NDST1: variants seen among roughly 807,000 people sequenced by gnomAD.
NDST1 encodes the protein N-deacetylase and N-sulfotransferase 1.
Under a neutral mutation model 92.8 loss-of-function variants are expected in NDST1, and 35 were observed. The ratio of observed to expected loss-of-function variants is 0.38; its 90% confidence interval spans 0.29 to 0.50. The LOEUF (loss-of-function observed/expected upper bound fraction) is 0.50. Ranked by LOEUF, NDST1 falls within the 20% of genes least tolerant of loss-of-function variation. The pLI, the probability that NDST1 is intolerant of heterozygous loss-of-function variation, is 0.94. For synonymous variants in NDST1, 493 were observed against 500.3 expected, an observed-to-expected ratio of 0.99 and a Z score of 0.19; for missense variants, 822 against 1,182.7, an observed-to-expected ratio of 0.69 and a Z score of 4.47.
intron 1 of NDST1, among the ~76,000 whole-genome samples, chr5:150,514,362 G>A (rs1753859670): frequency 2.0e-5 from 3 of 152,186 alleles, no homozygotes; most frequent in Admixed American, 2.0e-4. Flanking sequence ...CGGAGGTCAG[G>A]AGTTCAAGAC....
At chr5:150,525,775 G>A (rs769923008) in intron 2 of NDST1, among the ~76,000 whole-genome samples, 4 of 152,084 alleles carry the variant, frequency 2.6e-5, no homozygotes, top group Non-Finnish European at 4.4e-5. Flanking sequence ...ACTGACCTGC[G>A]CACCCCTGTG....
intron 10 of NDST1, among the ~76,000 whole-genome samples, chr5:150,545,069 G>A (rs978250252): frequency 5.3e-5 from 8 of 152,186 alleles, no homozygotes; most frequent in Non-Finnish European, 1.0e-4. Flanking sequence ...GCACCCACAA[G>A]TCTTCAGATC....
chr5:150,504,329 T>A (rs1392803994), upstream of NDST1, among the ~76,000 whole-genome samples: 1 of 152,094 alleles, frequency 6.6e-6, no homozygotes, highest in East Asian at 1.9e-4. Flanking sequence ...TAAATTGAGG[T>A]CTGGAGAGAG....
At chr5:150,515,155 T>G (rs1029679297) in intron 1 of NDST1, among the ~76,000 whole-genome samples, 2 of 152,186 alleles carry the variant, frequency 1.3e-5, no homozygotes, top group Non-Finnish European at 2.9e-5. Context: ...GGAAAGAGGT[T>G]GGCTGTGAGA....
rs966688534 is a variant in NDST1, at chr5:150,517,969, G to A, written c.-387-2899G>A. On this transcript the variant is annotated intron_variant, in intron 1 of 14. Coordinates refer to ENST00000261797, the MANE Select transcript of NDST1 (RefSeq NM_001543.5). Reference sequence around the variant, plus strand: ...AGGCCAAGGGGTGGGGCTGGGCTGCGGCCACAGGCTGCCCTTATCAATGGT... The same window carrying A: ...AGGCCAAGGGGTGGGGCTGGGCTGCAGCCACAGGCTGCCCTTATCAATGGT... 5.3e-5 allele frequency among the ~76,000 whole-genome samples: 8 copies of A among 152,330 alleles called. No individual in the cohort carries two copies. The East Asian group carries it at 5.8e-4, about 11-fold the overall frequency.
intron 1 of NDST1, among the ~76,000 whole-genome samples, chr5:150,511,289 C>T (rs1753709105): frequency 1.3e-5 from 2 of 152,182 alleles, no homozygotes; most frequent in African/African-American, 2.4e-5. Context: ...TGAGTACCTG[C>T]TGTGGGTAGG....
In NDST1 at chr5:150,535,039, C is replaced by A. The variant is rs1289618408; in HGVS notation, c.1251+18C>A. On this transcript the variant is annotated intron_variant, in intron 5 of 14. Coordinates refer to ENST00000261797, the MANE Select transcript of NDST1 (RefSeq NM_001543.5). The stretch of plus-strand genomic sequence containing the variant: ...TCGCTGTCGTGAGTAAGATTCCTTG[C>A]AGGGCAGAGCGGGGCGGGCTAAGGG... 1 of 1,610,028 alleles carries A rather than the reference C, an allele frequency of 6.2e-7. No homozygotes were observed. The highest frequency in any genetic ancestry group is 8.5e-7 in the Non-Finnish European group (1 of 1,177,912).
At chr5:150,542,605 CTG>C (rs1755292804) in intron 9 of NDST1, among the ~76,000 whole-genome samples, 1 of 152,214 alleles carries the variant, frequency 6.6e-6, no homozygotes, top group African/African-American at 2.4e-5. Context: ...GTGAAGAGTG[CTG>C]TGATAGATTA....
intron 1 of NDST1, among the ~76,000 whole-genome samples, chr5:150,514,924 C>T (rs1445841407): frequency 1.3e-5 from 2 of 152,316 alleles, no homozygotes; most frequent in South Asian, 2.1e-4. Context: ...TTGAGTGGCA[C>T]CCGGGCACTG....
intron 5 of NDST1, 65 bp from the exon 6 acceptor site, chr5:150,535,634 AG>A: frequency 1.3e-6 from 2 of 1,572,400 alleles, no homozygotes; most frequent in Non-Finnish European, 1.8e-6. Flanking sequence ...CATTCTACAA[AG>A]GGGGGATAAG....
upstream of NDST1, chr5:150,507,681 C>A (rs996745602): frequency 3.3e-5 from 5 of 152,522 alleles, no homozygotes; most frequent in Admixed American, 2.6e-4. Context: ...CCAGTCCTTC[C>A]TCTTCTTCTC....
At chr5:150,524,425 C>T (rs1754377705) in intron 2 of NDST1, among the ~76,000 whole-genome samples, 1 of 152,270 alleles carries the variant, frequency 6.6e-6, no homozygotes, top group South Asian at 2.1e-4. Flanking sequence ...ATCTGGATCC[C>T]TACTTCCTGG....
At position 150,521,302 on chromosome 5, in the gene NDST1, G is replaced by C. The variant is rs139789204; in HGVS notation, c.48G>C (p.Pro16=). ...CLRRLCRHVS[P]QAVLFLLFIF... is the part of the protein sequence containing the mutation. Reference sequence around the variant, plus strand: ...GGAGGCTGTGTCGGCACGTGTCCCCGCAGGCTGTCCTTTTCCTGCTGTTCA... The same window carrying C: ...GGAGGCTGTGTCGGCACGTGTCCCCCCAGGCTGTCCTTTTCCTGCTGTTCA... Residue 16 remains proline (P), a synonymous_variant, in exon 2 of 15, where the codon CCG becomes CCC. Transcript: ENST00000261797. This position sits in a 1 kb window ranked among gnomAD's most constrained non-coding sequence, Gnocchi z 5.9. The C allele has an allele frequency of 1.2e-6, 2 of 1,612,804 alleles. No individual in the cohort carries two copies. Among genetic ancestry groups the C allele is most frequent in the Admixed American group, 3.3e-5 (2 of 60,028 alleles).
intron 3 of NDST1, among the ~76,000 whole-genome samples, chr5:150,532,038 GAC>G (rs1309791476): frequency 6.6e-6 from 1 of 152,158 alleles, no homozygotes; most frequent in Non-Finnish European, 1.5e-5. Context: ...GATAGATGAA[GAC>G]ACAGGCTTAC....
chr5:150,524,369 G>A (rs552404755), intron 2 of NDST1, among the ~76,000 whole-genome samples: 1 of 152,228 alleles, frequency 6.6e-6, no homozygotes, highest in Non-Finnish European at 1.5e-5. Flanking sequence ...TGACCAATGT[G>A]TGCCCCTGTG....
intron 9 of NDST1, 77 bp downstream of exon 9, chr5:150,541,743 C>A: frequency 7.5e-7 from 1 of 1,330,806 alleles, no homozygotes; most frequent in Non-Finnish European, 1.1e-6. Flanking sequence ...ACTGCCTTGC[C>A]CTGGCCCCAC....
chr5:150,525,162 A>ATTTC (rs1754415264), intron 2 of NDST1, among the ~76,000 whole-genome samples: 1 of 151,670 alleles, frequency 6.6e-6, no homozygotes, highest in Non-Finnish European at 1.5e-5. Flanking sequence ...AGCAAGAGGG[A>ATTTC]TTTCCACTGC....
intron 2 of NDST1, among the ~76,000 whole-genome samples, chr5:150,523,214 G>A (rs1754319401): frequency 6.6e-6 from 1 of 152,228 alleles, no homozygotes; most frequent in Non-Finnish European, 1.5e-5. Flanking sequence ...CTTTTACAGA[G>A]CACCCTCAGG....
chr5:150,545,199 T>C, intron 10 of NDST1, 113 bp from the exon 11 acceptor site: 1 of 1,259,186 alleles, frequency 7.9e-7, no homozygotes, highest in Non-Finnish European at 1.2e-6. Flanking sequence ...GAGCAAAGCT[T>C]CCCACTTGCT....
Sources: allele counts gnomAD v4.1 joint callset (sites outside exome capture counted in the v4.1 genomes callset), GRCh38; gene constraint gnomAD v4.1.1; non-coding constraint Gnocchi (gnomAD v3.1); transcripts MANE v1.5; gene names NCBI Gene and HGNC (gene_info 2026-07-23, HGNC 2026-07-21).